Variants in TRPM8 observed in about 807,000 individuals in gnomAD.
TRPM8 encodes TRPM8 cationic channel.
TRPM8 carries 110 observed loss-of-function variants against 133.7 expected under a neutral mutation model. The ratio of observed to expected loss-of-function variants is 0.82; its 90% CI spans 0.70 to 0.96. The LOEUF is 0.96. Ranked by LOEUF, TRPM8 falls within the 40% of genes least tolerant of loss-of-function variation. The pLI, the probability that TRPM8 is intolerant of heterozygous loss-of-function variation, is 0.00. For missense variants in TRPM8, 1,291 were observed against 1,379.5 expected (o/e 0.94, Z 1.02); for synonymous variants, 535 against 532.3 (o/e 1.01, Z -0.07).
rs1444112295 is a variant in TRPM8 at position 233,963,270 on chromosome 2, C to T, written c.1654-12C>T. 2 of 1,600,108 alleles carry T rather than the reference C, an allele frequency of 1.2e-6. No homozygotes were observed. Among genetic ancestry groups the T allele is most frequent in the South Asian group, 2.2e-5 (2 of 90,252 alleles). On this transcript the variant is annotated splice_polypyrimidine_tract_variant and intron_variant, in intron 12 of 25. Transcript: ENST00000324695. ...CATTTGCACATGCTGACCACATGCT[C>T]TAACCCCCCAGGACGTGTCTCCTAT...
intron 13 of TRPM8, among the ~76,000 whole-genome samples, chr2:233,963,646 T>A (rs1219160251): frequency 6.6e-6 from 1 of 152,160 alleles, no homozygotes; most frequent in Admixed American, 6.5e-5. Flanking sequence ...GTGGAAAAGG[T>A]ATTCACATTT....
chr2:233,927,790 CT>C lies in TRPM8; in HGVS notation c.117+1140del, dbSNP rs67466564. Among the ~76,000 whole-genome samples, 175 of 27,628 alleles carry C rather than the reference CT, an allele frequency of 6.3e-3. 3 individuals carry two copies. The highest frequency in any genetic ancestry group is 0.019 in the East Asian group (7 of 374). The allele number at this position is 27,628 out of a possible 152,430, so 18.1% of individuals were successfully genotyped here. A position where few individuals can be genotyped will look rare whatever the true frequency, so the allele number is the denominator to read the frequency against. On this transcript the variant is annotated intron_variant, in intron 2 of 25. Transcript: ENST00000324695. ...TCTTTCTTTCTTTCTTTCTTTCTTT[CT>C]TTTCTTTCCTTCCTTCCTTCCTTCC...
chr2:233,958,698 C>T (rs1324370986), intron 11 of TRPM8, among the ~76,000 whole-genome samples: 3 of 152,150 alleles, frequency 2.0e-5, no homozygotes, highest in Non-Finnish European at 4.4e-5. Context: ...GAGGTAGCCC[C>T]CTCTTCCCCT....
Position 233,970,434 on chromosome 2 carries a change from T to C in TRPM8, c.2355+8T>C. The C allele has an allele frequency of 6.2e-7, 1 of 1,613,386 alleles. No homozygotes were observed. Among genetic ancestry groups the C allele is most frequent in the Non-Finnish European group, 8.5e-7 (1 of 1,179,654 alleles). ...TGTGATGAAGTGAGACAGGTAGGGC[T>C]GCCATGACAGCAGGAACCCCCTCGC... On this transcript the variant is annotated splice_region_variant and intron_variant, in intron 17 of 25. Coordinates refer to ENST00000324695, the MANE Select transcript of TRPM8 (RefSeq NM_024080.5).
At chr2:233,933,464 C>T (rs10180847) in intron 3 of TRPM8, among the ~76,000 whole-genome samples, 15,825 of 152,208 alleles carry the variant, frequency 0.1, 934 homozygotes, top group Admixed American at 0.18. Context: ...AACTAGGGTC[C>T]TGATGTTTTC....
rs562499925 is a variant in TRPM8 at position 233,945,784 on chromosome 2, A to T, written c.700-72A>T. On this transcript the variant is annotated intron_variant, in intron 6 of 25. Coordinates refer to ENST00000324695, the MANE Select transcript of TRPM8 (RefSeq NM_024080.5). ...ACCCAAAGTATTAGCTTTCATATGA[A>T]TATAGAAAAATATCATCATGTATCT... 127 of 1,377,046 alleles carry T rather than the reference A, an allele frequency of 9.2e-5. No individual in the cohort carries two copies. The African/African-American group carries it at 1.6e-3, about 18-fold the overall frequency. The allele number at this position is 1,377,046 out of a possible 1,614,324, so 85.3% of individuals were successfully genotyped here. A position where few individuals can be genotyped will look rare whatever the true frequency, so the allele number is the denominator to read the frequency against.
intron 21 of TRPM8, among the ~76,000 whole-genome samples, chr2:233,988,328 C>G (rs1207971122): frequency 6.6e-6 from 1 of 151,940 alleles, no homozygotes; most frequent in African/African-American, 2.4e-5. Flanking sequence ...CAGGGTGGTA[C>G]CTGATGGCCT....
rs115351647 is a variant in TRPM8, at chr2:233,920,010, G to A, written c.-6+2578G>A. On this transcript the variant is annotated intron_variant, in intron 1 of 25. Coordinates refer to ENST00000324695, the MANE Select transcript of TRPM8 (RefSeq NM_024080.5). Reference sequence around the variant, plus strand: ...TGTGGGCCAGTGGTCCTCTGAAGGTGGTCCTGAGGCCACCTCATTAGCACC... The same window carrying A: ...TGTGGGCCAGTGGTCCTCTGAAGGTAGTCCTGAGGCCACCTCATTAGCACC... Among the ~76,000 whole-genome samples the A allele has an allele frequency of 5.0e-3, 762 of 152,284 alleles. 10 individuals are homozygous for A. The highest frequency in any genetic ancestry group is 0.018 in the African/African-American group (731 of 41,546).
chr2:233,955,313 C>A, intron 11 of TRPM8, 63 bp downstream of exon 11: 1 of 1,224,234 alleles, frequency 8.2e-7, no homozygotes, highest in South Asian at 1.3e-5. Context: ...TGGGCAATGT[C>A]TGATCCATTT....
intron 8 of TRPM8, chr2:233,947,607 AC>A (rs1282199021): frequency 1.6e-6 from 2 of 1,289,804 alleles, no homozygotes; most frequent in African/African-American, 3.0e-5. Flanking sequence ...GGAATTCCAA[AC>A]CCTAAGTGAT....
chr2:233,958,810 C>A (rs1691357929), intron 11 of TRPM8, among the ~76,000 whole-genome samples: 1 of 152,098 alleles, frequency 6.6e-6, no homozygotes, highest in South Asian at 2.1e-4. Flanking sequence ...TAGGCAGGAA[C>A]AAAACTAATT....
intron 2 of TRPM8, among the ~76,000 whole-genome samples, chr2:233,927,639 C>T (rs534969884): frequency 6.6e-6 from 1 of 152,204 alleles, no homozygotes; most frequent in South Asian, 2.1e-4. Flanking sequence ...TGACGAAGCA[C>T]CTCTGGGAGG....
At chr2:233,975,710 G>T (rs17864764) in intron 17 of TRPM8, among the ~76,000 whole-genome samples, 1 of 152,074 alleles carries the variant, frequency 6.6e-6, no homozygotes, top group Admixed American at 6.5e-5. Context: ...GCAAAATCCC[G>T]TCTCTACTAA....
intron 22 of TRPM8, among the ~76,000 whole-genome samples, chr2:234,003,625 A>C (rs2125383804): frequency 6.6e-6 from 1 of 152,366 alleles, no homozygotes; most frequent in Non-Finnish European, 1.5e-5. Flanking sequence ...CTGTGCCTTC[A>C]GGTAACAGAA....
Position 233,955,187 on chromosome 2 carries a change from G to A in TRPM8, c.1299G>A (p.Leu433=). The A allele has an allele frequency of 6.2e-7, 1 of 1,614,200 alleles. No homozygotes were observed. The highest frequency in any genetic ancestry group is 8.5e-7 in the Non-Finnish European group (1 of 1,180,030). ...KDNWNGQLKL[L]LEWNQLDLAN... ...ACTGGAATGGGCAGCTGAAGCTTCT[G>A]CTGGAGTGGAACCAGCTGGACTTAG... The change falls in exon 11 of 26, where the codon CTG becomes CTA. Residue 433 remains leucine, a synonymous_variant. Transcript: ENST00000324695.
At chr2:233,950,277 A>G (rs1052794734) in intron 9 of TRPM8, 131 bp downstream of exon 9, 1 of 852,640 alleles carries the variant, frequency 1.2e-6, no homozygotes, top group African/African-American at 1.7e-5. Context: ...TTGAGGCTCA[A>G]CAGGTGTCTT....
intron 3 of TRPM8, among the ~76,000 whole-genome samples, chr2:233,931,514 G>A (rs754294309): frequency 3.9e-5 from 6 of 152,144 alleles, no homozygotes; most frequent in Non-Finnish European, 7.4e-5. Context: ...AAGGAAAAAA[G>A]CTTTAGAACC....
intron 9 of TRPM8, among the ~76,000 whole-genome samples, chr2:233,953,152 T>A (rs766240635): frequency 1.8e-4 from 27 of 152,348 alleles, no homozygotes; most frequent in Non-Finnish European, 4.0e-4. Context: ...CCTCAAAAGC[T>A]CACCTTCTAA....
rs922229285 is a variant in TRPM8, at chr2:233,959,119, A to G, written c.1363-1657A>G. On this transcript the variant is annotated intron_variant, in intron 11 of 25. Coordinates refer to ENST00000324695, the MANE Select transcript of TRPM8 (RefSeq NM_024080.5). ...CAGCTCACTGCAACCTCCGCCTCCCAGGTTCAAGCGATTCTCCTGCCTCAG... is the reference window on the plus strand; with the variant it reads ...CAGCTCACTGCAACCTCCGCCTCCCGGGTTCAAGCGATTCTCCTGCCTCAG... Among the ~76,000 whole-genome samples, 101 of 152,258 alleles carry G rather than the reference A, an allele frequency of 6.6e-4. 1 individual carries two copies. The highest frequency in any genetic ancestry group is 1.2e-3 in the South Asian group (6 of 4,822).
Sources: allele counts gnomAD v4.1 joint callset (sites outside exome capture counted in the v4.1 genomes callset), GRCh38; gene constraint gnomAD v4.1.1; transcripts MANE v1.5; gene names NCBI Gene and HGNC (gene_info 2026-07-23, HGNC 2026-07-21).